PCDHA9: variants seen among roughly 807,000 people sequenced by gnomAD.
PCDHA9 encodes protocadherin alpha-9.
A neutral mutation model predicts 62.0 loss-of-function variants in PCDHA9; 62 were observed. The observed-to-expected ratio is 1.00, with a 90% CI of 0.81 to 1.23. The LOEUF (loss-of-function observed/expected upper bound fraction) is 1.23. Ranked by LOEUF, PCDHA9 falls within the 50% of genes most tolerant of loss-of-function variation. The pLI is 0.00. For missense variants in PCDHA9, 1,205 were observed against 1,249.8 expected (o/e 0.96, Z 0.54); for synonymous variants, 557 against 567.6 (o/e 0.98, Z 0.27).
intron 3 of PCDHA9, among the ~76,000 whole-genome samples, chr5:141,005,737 G>GATGAGAA (rs1365089563): frequency 2.8e-5 from 4 of 143,576 alleles, no homozygotes; most frequent in Non-Finnish European, 6.0e-5. Context: ...AAAAAGAATG[G>GATGAGAA]ATGAGAAATC....
chr5:140,958,468 G>T (rs1554223482), intron 1 of PCDHA9, among the ~76,000 whole-genome samples: 6 of 152,040 alleles, frequency 3.9e-5, no homozygotes, highest in Non-Finnish European at 8.8e-5. Flanking sequence ...ACTTCTGCTG[G>T]CTTAAAGAGC....
At chr5:140,861,304 A>G (rs1581606834) in intron 1 of PCDHA9, 1 of 189,694 alleles carries the variant, frequency 5.3e-6, no homozygotes, top group Non-Finnish European at 1.1e-5. Context: ...GTGAAGCGGG[A>G]AAGGACCAGT....
At chr5:140,946,474 A>G (rs2093947876) in intron 1 of PCDHA9, among the ~76,000 whole-genome samples, 1 of 151,798 alleles carries the variant, frequency 6.6e-6, no homozygotes, top group Non-Finnish European at 1.5e-5. Context: ...ACTACTGGGT[A>G]TATATCCAAA....
chr5:140,967,043 G>T (rs1477679213), intron 1 of PCDHA9: 2 of 1,611,990 alleles, frequency 1.2e-6, no homozygotes, highest in African/African-American at 2.7e-5. Context: ...CCTGGAGCTG[G>T]ACCTGACGAG....
intron 3 of PCDHA9, among the ~76,000 whole-genome samples, chr5:140,991,358 A>G (rs1417256360): frequency 6.6e-6 from 1 of 152,234 alleles, no homozygotes; most frequent in African/African-American, 2.4e-5. Context: ...AAGACTATTT[A>G]CTGTCTGAGT....
chr5:140,969,783 A>G (rs1293806015), intron 1 of PCDHA9, among the ~76,000 whole-genome samples: 1 of 152,228 alleles, frequency 6.6e-6, no homozygotes, highest in Non-Finnish European at 1.5e-5. Context: ...GGGCTATCAT[A>G]GTCACCACTA....
chr5:140,941,894 T>G (rs1398323055), intron 1 of PCDHA9, among the ~76,000 whole-genome samples: 2 of 152,230 alleles, frequency 1.3e-5, no homozygotes, highest in African/African-American at 4.8e-5. Context: ...AGCATCTAAG[T>G]AACATTGAAA....
chr5:140,875,531 T>G, intron 1 of PCDHA9: 1 of 1,614,100 alleles, frequency 6.2e-7, no homozygotes. Flanking sequence ...TCGCTTCTGC[T>G]CCTTGCAGCC....
intron 3 of PCDHA9, 49 bp downstream of exon 3, chr5:140,982,612 C>A (rs782489208): frequency 6.3e-7 from 1 of 1,599,358 alleles, no homozygotes; most frequent in Admixed American, 1.7e-5. Context: ...GGAAAGTGAT[C>A]AGATGACCTA....
At chr5:140,964,910 A>G (rs1474342229) in intron 1 of PCDHA9, among the ~76,000 whole-genome samples, 2 of 152,206 alleles carry the variant, frequency 1.3e-5, no homozygotes, top group African/African-American at 4.8e-5. Context: ...CTTCTCTGGA[A>G]TAACACTGGC....
At chr5:140,993,463 CACACACACACACACACACA>C (rs1563592092) in intron 3 of PCDHA9, among the ~76,000 whole-genome samples, 163 of 7,580 alleles carry the variant, frequency 0.022, 1 homozygote, top group African/African-American at 0.091. Context: ...CTTTCTTTCT[CACACACACACACACACACA>C]CACACACACA....
chr5:140,927,317 G>T (rs782172424), intron 1 of PCDHA9: 3 of 1,614,146 alleles, frequency 1.9e-6, no homozygotes, highest in Admixed American at 1.7e-5. Flanking sequence ...CCCGGAGCCC[G>T]CTTTACTCTC....
At chr5:140,860,671 T>A (rs1339790199) in intron 1 of PCDHA9, 1 of 152,218 alleles carries the variant, frequency 6.6e-6, no homozygotes, top group Non-Finnish European at 1.5e-5. Context: ...TGAAATCAAA[T>A]GCACTTATGT....
chr5:140,875,394 G>T, intron 1 of PCDHA9: 1 of 1,476,976 alleles, frequency 6.8e-7, no homozygotes, highest in South Asian at 1.4e-5. Context: ...TACAGAAAAG[G>T]GTGACTGCTC....
intron 1 of PCDHA9, among the ~76,000 whole-genome samples, chr5:140,911,424 T>C (rs1180624921): frequency 6.6e-6 from 1 of 152,168 alleles, no homozygotes; most frequent in Non-Finnish European, 1.5e-5. Context: ...TAAGAACTTG[T>C]GTCCAATTTC....
At chr5:140,879,136 T>C (rs1225791251) in intron 1 of PCDHA9, among the ~76,000 whole-genome samples, 4 of 152,206 alleles carry the variant, frequency 2.6e-5, no homozygotes, top group Admixed American at 2.6e-4. Flanking sequence ...GGGGAGATTG[T>C]GAAGGCAGGA....
rs201643490 is a variant in PCDHA9 at position 140,856,993 on chromosome 5, T to A, written c.2394+6104T>A. 5.0e-6 allele frequency: 8 copies of A among 1,595,442 alleles called. No homozygotes were observed. In the East Asian group the frequency reaches 1.3e-4, roughly 27 times the overall value. On this transcript the variant is annotated intron_variant, in intron 1 of 3. Transcript: ENST00000532602. Reference sequence around the variant, plus strand: ...TTGACTTTGAGGACAGTAACACTTATGAAATTCATGTAGATGTTACAGATA... The same window carrying A: ...TTGACTTTGAGGACAGTAACACTTAAGAAATTCATGTAGATGTTACAGATA...
rs141467715 is a variant in PCDHA9 at position 140,882,439 on chromosome 5, G to A, written c.2394+31550G>A. 19 of 1,613,928 alleles carry A rather than the reference G, an allele frequency of 1.2e-5. No individual in the cohort carries two copies. The African/African-American group carries it at 1.5e-4, about 12-fold the overall frequency. ...CTCAGGACCTGGGGCTGGAGCTGGC[G>A]GAGCTGGTGCCGCGCCTGTTCCGGG... is the stretch of plus-strand genomic sequence containing the variant. On this transcript the variant is annotated intron_variant, in intron 1 of 3. Transcript: ENST00000532602.
intron 1 of PCDHA9, chr5:140,969,328 T>C (rs2096319778): frequency 1.2e-6 from 2 of 1,614,124 alleles, no homozygotes; most frequent in Admixed American, 1.7e-5. Flanking sequence ...TTTCTCAAAA[T>C]GAGGTGAGAC....
Sources: gnomAD v4.1 joint callset for allele counts (sites outside exome capture counted in the v4.1 genomes callset) on GRCh38, gnomAD v4.1.1 for gene constraint, MANE v1.5 for transcripts, NCBI Gene and HGNC (gene_info 2026-07-23, HGNC 2026-07-21) for gene names.